SOX6: variants seen among roughly 807,000 people sequenced by gnomAD.
SOX6 encodes the protein transcription factor SOX-6.
In SOX6, 11 loss-of-function variants were observed where a neutral mutation model predicts 97.8. The observed-to-expected ratio is 0.11, with a 90% CI of 0.07 to 0.19. SOX6 has a LOEUF of 0.19. Ranked by LOEUF, SOX6 falls within the 10% of genes least tolerant of loss-of-function variation. SOX6 has a pLI of 1.00. For missense variants in SOX6, 810 were observed against 1,039.5 expected (o/e 0.78, Z 3.04); for synonymous variants, 360 against 371.4 (o/e 0.97, Z 0.35).
In SOX6 at chr11:16,329,739, G is replaced by C. The variant is rs141974501; in HGVS notation, c.238-11086C>G. ...TTACATAGTAAGTGATAATTAAATG[G>C]TGGTGGTTACAATTTCCTTGACAAG... On this transcript the variant is annotated intron_variant, in intron 2 of 15. Transcript: ENST00000683767. 1.6e-3 allele frequency among the ~76,000 whole-genome samples: 245 copies of C among 152,252 alleles called. No homozygotes were observed. The Middle Eastern group carries it at 0.024, about 15-fold the overall frequency.
chr11:16,475,256 C>T (rs981114784), intron 1 of SOX6, among the ~76,000 whole-genome samples: 1 of 152,172 alleles, frequency 6.6e-6, no homozygotes, highest in African/African-American at 2.4e-5. Flanking sequence ...TAGCACTTTG[C>T]ATTTCCCTCA....
intron 3 of SOX6, among the ~76,000 whole-genome samples, chr11:16,260,298 G>A (rs1286462378): frequency 6.6e-6 from 1 of 151,896 alleles, no homozygotes; most frequent in Admixed American, 6.6e-5. Context: ...CTGTGCCCGG[G>A]CCAATGTCCC....
intron 6 of SOX6, among the ~76,000 whole-genome samples, chr11:16,123,467 G>T (rs1849540886): frequency 6.6e-6 from 1 of 151,900 alleles, no homozygotes; most frequent in South Asian, 2.1e-4. Context: ...TGTGATTGGG[G>T]GGCAGGGAGA....
chr11:16,069,633 G>A (rs1848177681), intron 9 of SOX6, among the ~76,000 whole-genome samples: 2 of 152,034 alleles, frequency 1.3e-5, no homozygotes, highest in South Asian at 2.1e-4. Context: ...ATCATGTTAA[G>A]GTGTTTTCAG....
chr11:16,652,311 C>T (rs1039514243), intron 3 of SOX6, among the ~76,000 whole-genome samples: 1 of 152,098 alleles, frequency 6.6e-6, no homozygotes, highest in African/African-American at 2.4e-5. Context: ...CAAAGTAATA[C>T]TAAGCAAAAA....
At chr11:16,626,591 G>C (rs1356356729) in intron 3 of SOX6, among the ~76,000 whole-genome samples, 1 of 152,076 alleles carries the variant, frequency 6.6e-6, no homozygotes, top group Non-Finnish European at 1.5e-5. Flanking sequence ...AGCCTGCTGG[G>C]ATTTTTATTG....
chr11:16,604,570 G>A (rs1201745664), intron 4 of SOX6, among the ~76,000 whole-genome samples: 1 of 152,158 alleles, frequency 6.6e-6, no homozygotes, highest in East Asian at 1.9e-4. Context: ...AGCGCCCATT[G>A]ACAGTACAGC....
At chr11:16,538,812 C>T (rs1815329244) in intron 4 of SOX6, among the ~76,000 whole-genome samples, 1 of 152,140 alleles carries the variant, frequency 6.6e-6, no homozygotes, top group Non-Finnish European at 1.5e-5. Context: ...CAGGAGTACC[C>T]AGATTCATAA....
chr11:16,283,661 A>G (rs145989928), intron 3 of SOX6: 396 of 175,860 alleles, frequency 2.3e-3, no homozygotes, highest in African/African-American at 9.3e-3. Flanking sequence ...GAACATTTTT[A>G]TTTTTATTTT....
intron 3 of SOX6, among the ~76,000 whole-genome samples, chr11:16,704,934 T>A (rs938633804): frequency 6.6e-6 from 1 of 152,008 alleles, no homozygotes; most frequent in Non-Finnish European, 1.5e-5. Flanking sequence ...CAGGAAAAAA[T>A]ATATATTTGT....
chr11:16,257,117 C>T (rs1853716623), intron 3 of SOX6, among the ~76,000 whole-genome samples: 1 of 151,820 alleles, frequency 6.6e-6, no homozygotes, highest in African/African-American at 2.4e-5. Context: ...TCAATATTGT[C>T]AAGATGTCCA....
rs770414191 is a variant in SOX6 at position 16,184,035 on chromosome 11, C to T, written c.709-81G>A. 1.2e-5 allele frequency: 15 copies of T among 1,248,736 alleles called. 1 individual carries two copies. Among genetic ancestry groups the T allele is most frequent in the Non-Finnish European group, 1.6e-5 (14 of 859,698 alleles). 77.4% of individuals were successfully genotyped at this position (1,248,736 alleles called of 1,614,324 possible). Reference sequence around the variant, plus strand: ...ACCTCAGGTATTTCTCCTGGTATTACAACAATCTTTTACCGCACCTCTATG... The same window carrying T: ...ACCTCAGGTATTTCTCCTGGTATTATAACAATCTTTTACCGCACCTCTATG... On this transcript the variant is annotated intron_variant, in intron 5 of 15. Transcript: ENST00000683767.
intron 1 of SOX6, among the ~76,000 whole-genome samples, chr11:16,363,144 C>T (rs554260057): frequency 1.3e-5 from 2 of 152,242 alleles, no homozygotes; most frequent in East Asian, 3.9e-4. Context: ...AAGATTTATT[C>T]CAACTCTAAG....
At chr11:16,481,709 T>C (rs1436799538) in intron 4 of SOX6, among the ~76,000 whole-genome samples, 4 of 152,118 alleles carry the variant, frequency 2.6e-5, no homozygotes, top group East Asian at 1.9e-4. Flanking sequence ...TGTTCAATGA[T>C]GGTGGTTGGA....
At position 16,582,013 on chromosome 11, in the gene SOX6, C is replaced by T. The variant is rs538132200; in HGVS notation, n.609+30068G>A. On this transcript the variant is annotated intron_variant and non_coding_transcript_variant, in intron 4 of 5. Coordinates refer to the SOX6 transcript ENST00000524520. ...AATGAAATCATGTCCTTTGCAACAA[C>T]ATGGATGCAGCTGGAGGTCATTATC... Among the ~76,000 whole-genome samples, 10 of 149,628 alleles carry T rather than the reference C, an allele frequency of 6.7e-5. No homozygotes were observed. The South Asian group carries it at 2.1e-3, about 32-fold the overall frequency.
chr11:16,550,897 T>C (rs555854484), intron 4 of SOX6, among the ~76,000 whole-genome samples: 1 of 152,176 alleles, frequency 6.6e-6, no homozygotes, highest in African/African-American at 2.4e-5. Flanking sequence ...ACTCTGTAGA[T>C]GAAACAAATA....
chr11:16,400,726 G>C (rs1469158066), intron 1 of SOX6, among the ~76,000 whole-genome samples: 1 of 150,992 alleles, frequency 6.6e-6, no homozygotes, highest in African/African-American at 2.4e-5. Flanking sequence ...CACTATTCTG[G>C]GCCCCAGAGA....
At chr11:16,733,842 C>T (rs1007654324) in intron 2 of SOX6, among the ~76,000 whole-genome samples, 10 of 150,660 alleles carry the variant, frequency 6.6e-5, no homozygotes, top group East Asian at 2.0e-4. Context: ...CTGGATAATA[C>T]GGTGAAACCC....
intron 1 of SOX6, among the ~76,000 whole-genome samples, chr11:16,461,319 T>A (rs1046120600): frequency 7.2e-5 from 11 of 152,126 alleles, no homozygotes; most frequent in Admixed American, 5.2e-4. Context: ...GCTTCTCTTT[T>A]TTTTAACCCT....
Sources: allele counts gnomAD v4.1 joint callset (sites outside exome capture counted in the v4.1 genomes callset), GRCh38; gene constraint gnomAD v4.1.1; transcripts MANE v1.5; gene names NCBI Gene and HGNC (gene_info 2026-07-23, HGNC 2026-07-21).